The following SCP2 variants were observed in gnomAD, a reference collection of about 807,000 sequenced individuals.
The protein encoded by SCP2 is sterol carrier protein 2.
A neutral mutation model predicts 71.4 loss-of-function variants in SCP2; 48 were observed. The observed-to-expected ratio is 0.67, with a 90% CI of 0.53 to 0.86. The LOEUF is 0.86. Ranked by LOEUF, SCP2 falls within the 40% of genes least tolerant of loss-of-function variation. SCP2 has a pLI of 0.00. For synonymous variants in SCP2, 220 were observed against 218.1 expected (o/e 1.01, Z -0.08); for missense variants, 560 against 655.6 (o/e 0.85, Z 1.59).
intron 15 of SCP2, chr1:53,048,138 G>C (rs992624796): frequency 1.8e-6 from 1 of 567,424 alleles, no homozygotes; most frequent in Non-Finnish European, 3.3e-6. Flanking sequence ...GAGTAAGAAA[G>C]TTCCCACGCT....
chr1:52,956,249 A>G (rs1655784749), intron 5 of SCP2, among the ~76,000 whole-genome samples: 1 of 152,150 alleles, frequency 6.6e-6, no homozygotes, highest in African/African-American at 2.4e-5. Context: ...GGTTGTGGTG[A>G]GCCAAGATGC....
rs1278930686 is a variant in SCP2, at chr1:52,974,831, C to T, written c.586C>T (p.Pro196Ser). Reference protein sequence around the residue: ...WKNHKHSVNNPYSQFQDEYSL... With the variant: ...WKNHKHSVNNSYSQFQDEYSL... ...AAATCATAAACATTCAGTTAATAAC[C>T]CGTAAGTATTTCAGAGACATGAAAT... is the stretch of plus-strand genomic sequence containing the variant. The change falls in exon 7 of 16, where the codon CCG becomes TCG. Residue 196 changes from proline (P) to serine (S), a missense_variant and splice_region_variant. Pro to Ser is a moderately conservative substitution (Grantham distance 74). Around this residue, in one of 3 missense-constraint regions of SCP2, gnomAD observed 513 missense variants for 573.1 expected, o/e 0.90. Transcript: ENST00000371514. 1 of 1,415,202 alleles carries T rather than the reference C, an allele frequency of 7.1e-7. No homozygotes were observed. The highest frequency in any genetic ancestry group is 1.0e-6 in the Non-Finnish European group (1 of 998,900). 87.7% of individuals were successfully genotyped at this position (1,415,202 alleles called of 1,614,324 possible).
intron 12 of SCP2, 83 bp from the exon 13 acceptor site, chr1:53,027,877 TTTTTGAAAA>T: frequency 1.4e-6 from 1 of 720,752 alleles, no homozygotes; most frequent in Non-Finnish European, 2.5e-6. Context: ...GTTCTTAGGG[TTTTTGAAAA>T]TTTTGAAAAT....
At chr1:53,027,082 A>G (rs1291168570) in intron 12 of SCP2, among the ~76,000 whole-genome samples, 1 of 151,836 alleles carries the variant, frequency 6.6e-6, no homozygotes, top group Non-Finnish European at 1.5e-5. Context: ...AGGACTACAG[A>G]CACATGCCAC....
At chr1:53,029,344 G>A (rs1423300489) in intron 13 of SCP2, among the ~76,000 whole-genome samples, 1 of 150,196 alleles carries the variant, frequency 6.7e-6, no homozygotes, top group Admixed American at 6.7e-5. Context: ...GCTCACTGCA[G>A]CCTTGAGCCC....
chr1:52,947,737 A>G (rs547301728), intron 2 of SCP2, among the ~76,000 whole-genome samples: 1 of 152,270 alleles, frequency 6.6e-6, no homozygotes, highest in African/African-American at 2.4e-5. Flanking sequence ...GAGCTGTAAG[A>G]CTCTTCAGAT....
At chr1:53,037,902 A>ACACACACACACC (rs1553155251) in intron 13 of SCP2, among the ~76,000 whole-genome samples, 14 of 108,510 alleles carry the variant, frequency 1.3e-4, no homozygotes, top group African/African-American at 6.5e-4. Context: ...ACACACACAC[A>ACACACACACACC]CACACACACA....
intron 6 of SCP2, among the ~76,000 whole-genome samples, chr1:52,968,610 A>G (rs1394075952): frequency 2.6e-5 from 4 of 152,208 alleles, no homozygotes; most frequent in Admixed American, 2.6e-4. Context: ...AGAACATTTC[A>G]TTAACCAAAA....
chr1:52,959,593 T>G (rs1656147278), intron 5 of SCP2, among the ~76,000 whole-genome samples: 1 of 152,138 alleles, frequency 6.6e-6, no homozygotes, highest in African/African-American at 2.4e-5. Flanking sequence ...CTTCTGAGTT[T>G]ATATATAAAT....
intron 12 of SCP2, among the ~76,000 whole-genome samples, chr1:53,016,318 G>T (rs1661336475): frequency 6.6e-6 from 1 of 152,102 alleles, no homozygotes. Context: ...TGGTTGCACT[G>T]TATCCGGTTT....
At chr1:53,038,387 C>T (rs561502788) in intron 13 of SCP2, among the ~76,000 whole-genome samples, 1 of 152,140 alleles carries the variant, frequency 6.6e-6, no homozygotes, top group African/African-American at 2.4e-5. Context: ...TTCCCTTCCA[C>T]CAGTTGTATC....
intron 5 of SCP2, among the ~76,000 whole-genome samples, chr1:52,958,881 T>C (rs1656067156): frequency 6.6e-6 from 1 of 151,816 alleles, no homozygotes; most frequent in Non-Finnish European, 1.5e-5. Flanking sequence ...TGTTAAGGAT[T>C]TTTGTGTTTA....
rs143917848 is a variant in SCP2 at position 53,022,663 on chromosome 1, A to G, written c.1236-5306A>G. Among the ~76,000 whole-genome samples, 944 of 152,318 alleles carry G rather than the reference A, an allele frequency of 6.2e-3. 15 individuals are homozygous for G. Among genetic ancestry groups the G allele is most frequent in the African/African-American group, 0.022 (907 of 41,562 alleles). ...TGTTTAATCCTCATAAAAGTCCCAC[A>G]CATTAGGTATTTCTGTTTATAGATG... On this transcript the variant is annotated intron_variant, in intron 12 of 15. Transcript: ENST00000371514.
Position 52,927,277 on chromosome 1 carries a change from C to T in SCP2, c.-120C>T, listed in dbSNP as rs886232412. 38 of 753,846 alleles carry T rather than the reference C, an allele frequency of 5.0e-5. No individual in the cohort carries two copies. The Admixed American group carries it at 6.6e-4, about 13-fold the overall frequency. 46.7% of individuals were successfully genotyped at this position (753,846 alleles called of 1,614,324 possible). A position where few individuals can be genotyped will look rare whatever the true frequency, so the allele number is the denominator to read the frequency against. ...CTGCCCCTACGCACGCGCACTCTCA[C>T]GCGCCTGTGTTGCCGCCCGCGGCCC... On this transcript the variant is annotated 5_prime_UTR_variant, in exon 1 of 16. It adds an upstream start codon to the 5' untranslated region. Coordinates refer to ENST00000371514, the MANE Select transcript of SCP2 (RefSeq NM_002979.5).
chr1:52,943,083 C>G (rs1654420945), intron 2 of SCP2, among the ~76,000 whole-genome samples: 1 of 152,066 alleles, frequency 6.6e-6, no homozygotes, highest in Non-Finnish European at 1.5e-5. Flanking sequence ...TACTTGATTT[C>G]TGTACTCTAT....
intron 7 of SCP2, among the ~76,000 whole-genome samples, chr1:52,975,165 A>C (rs571600612): frequency 1.3e-3 from 197 of 151,748 alleles, no homozygotes; most frequent in Admixed American, 2.7e-3. Context: ...TACAGGAGCC[A>C]CCATGCCCGG....
chr1:53,049,879 A>G (rs1484425450), intron 15 of SCP2: 1 of 152,226 alleles, frequency 6.6e-6, no homozygotes, highest in African/African-American at 2.4e-5. Context: ...TAGGACTACC[A>G]GAAGCTTTTT....
intron 13 of SCP2, among the ~76,000 whole-genome samples, chr1:53,034,270 T>C (rs61769108): frequency 3.6e-4 from 54 of 151,042 alleles, no homozygotes; most frequent in African/African-American, 1.3e-3. Context: ...AGTGACTCCA[T>C]TTAAAAAAAA....
chr1:53,016,536 A>C (rs1363623576), intron 12 of SCP2, among the ~76,000 whole-genome samples: 1 of 152,194 alleles, frequency 6.6e-6, no homozygotes, highest in East Asian at 1.9e-4. Flanking sequence ...AATGCTGTAG[A>C]AGCTCAGAGG....
Sources: allele counts gnomAD v4.1 joint callset (sites outside exome capture counted in the v4.1 genomes callset), GRCh38; gene constraint gnomAD v4.1.1; regional missense constraint gnomAD v4.1.1; transcripts MANE v1.5; gene names NCBI Gene and HGNC (gene_info 2026-07-23, HGNC 2026-07-21).